MAML2: variants seen among roughly 807,000 people sequenced by gnomAD.
The protein encoded by MAML2 is mastermind-like protein 2.
MAML2 carries 22 observed loss-of-function variants against 96.1 expected under a neutral mutation model. The observed-to-expected ratio is 0.23, with a 90% CI of 0.16 to 0.33. The LOEUF (loss-of-function observed/expected upper bound fraction) is 0.33. MAML2 is among the 10% of genes least tolerant of loss of function. The probability of loss-of-function intolerance (pLI) is 1.00; values close to 1 mark genes in which losing one functional copy is unlikely to be tolerated. For missense variants in MAML2, 1,367 were observed against 1,392.4 expected (o/e 0.98, Z 0.29); for synonymous variants, 561 against 521.3 (o/e 1.08, Z -1.04).
chr11:96,112,998 T>A (rs913152174), intron 1 of MAML2, among the ~76,000 whole-genome samples: 3 of 151,926 alleles, frequency 2.0e-5, no homozygotes, highest in Non-Finnish European at 2.9e-5. Flanking sequence ...TCACAGAAAA[T>A]CAGTGAGCAA....
intron 1 of MAML2, among the ~76,000 whole-genome samples, chr11:96,315,441 TCTCCA>T (rs1422265646): frequency 6.6e-6 from 1 of 152,248 alleles, no homozygotes; most frequent in African/African-American, 2.4e-5. Flanking sequence ...TATATGCTTA[TCTCCA>T]CTTACCGTAT....
intron 1 of MAML2, among the ~76,000 whole-genome samples, chr11:96,315,758 T>C (rs925098568): frequency 6.6e-6 from 1 of 152,160 alleles, no homozygotes; most frequent in Non-Finnish European, 1.5e-5. Flanking sequence ...CCTCCTACCA[T>C]CCTCTCTGAG....
At chr11:96,091,816 A>G in intron 2 of MAML2, 76 bp downstream of exon 2, 1 of 1,524,384 alleles carries the variant, frequency 6.6e-7, no homozygotes, top group Non-Finnish European at 8.8e-7. Context: ...CAATACAAAC[A>G]TAATGGTAAC....
At chr11:96,233,625 T>C (rs1349012567) in intron 1 of MAML2, among the ~76,000 whole-genome samples, 3 of 152,138 alleles carry the variant, frequency 2.0e-5, no homozygotes, top group Admixed American at 1.3e-4. Context: ...CCCAGGCTGG[T>C]CTCAAACTCC....
intron 1 of MAML2, among the ~76,000 whole-genome samples, chr11:96,258,149 C>A (rs1862694550): frequency 6.6e-6 from 1 of 152,166 alleles, no homozygotes; most frequent in African/African-American, 2.4e-5. Flanking sequence ...GCTTTAACAA[C>A]AACCATGGAG....
At chr11:96,311,935 A>G (rs542278695) in intron 1 of MAML2, among the ~76,000 whole-genome samples, 10 of 152,262 alleles carry the variant, frequency 6.6e-5, no homozygotes, top group Admixed American at 2.0e-4. Flanking sequence ...ATAAAGATCT[A>G]TGTAGCTAGA....
At chr11:96,244,134 A>C (rs764525059) in intron 1 of MAML2, among the ~76,000 whole-genome samples, 1 of 152,216 alleles carries the variant, frequency 6.6e-6, no homozygotes, top group Non-Finnish European at 1.5e-5. Flanking sequence ...TGTGCGGCCT[A>C]ATGGCTCAAA....
chr11:96,259,280 ATG>A (rs1217840754), intron 1 of MAML2, among the ~76,000 whole-genome samples: 1 of 152,088 alleles, frequency 6.6e-6, no homozygotes, highest in African/African-American at 2.4e-5. Context: ...TCTGAAAAGC[ATG>A]TGTTGATAGA....
intron 2 of MAML2, among the ~76,000 whole-genome samples, chr11:96,020,121 G>C (rs934974583): frequency 3.9e-5 from 6 of 152,102 alleles, no homozygotes; most frequent in Non-Finnish European, 1.5e-5. Flanking sequence ...GATTTAGTAG[G>C]GGGAAAAGGA....
chr11:96,231,390 G>A (rs1443668171), intron 1 of MAML2, among the ~76,000 whole-genome samples: 1 of 152,110 alleles, frequency 6.6e-6, no homozygotes, highest in African/African-American at 2.4e-5. Flanking sequence ...CATAAATGTG[G>A]GATAAAATAA....
intron 4 of MAML2, among the ~76,000 whole-genome samples, chr11:95,983,541 C>A (rs180923100): frequency 1.3e-5 from 2 of 152,142 alleles, no homozygotes; most frequent in East Asian, 3.9e-4. Flanking sequence ...TTTTCAAATA[C>A]CAAGAAGAGG....
At chr11:96,103,310 C>A (rs1395046287) in intron 1 of MAML2, among the ~76,000 whole-genome samples, 1 of 152,138 alleles carries the variant, frequency 6.6e-6, no homozygotes, top group Non-Finnish European at 1.5e-5. Context: ...ACTTATCAGG[C>A]ACCTAGTGGC....
intron 1 of MAML2, among the ~76,000 whole-genome samples, chr11:96,168,574 T>C (rs563644475): frequency 2.6e-4 from 40 of 152,314 alleles, no homozygotes; most frequent in Admixed American, 1.2e-3. Context: ...AACCTGCATT[T>C]CTAATGAGCC....
intron 1 of MAML2, among the ~76,000 whole-genome samples, chr11:96,265,802 G>A (rs1591104180): frequency 1.3e-5 from 2 of 152,272 alleles, no homozygotes; most frequent in East Asian, 1.9e-4. Flanking sequence ...GCCCCCAAGC[G>A]GCCCAACTTA....
At chr11:96,248,263 C>T (rs1228312179) in intron 1 of MAML2, among the ~76,000 whole-genome samples, 1 of 151,762 alleles carries the variant, frequency 6.6e-6, no homozygotes, top group African/African-American at 2.4e-5. Flanking sequence ...CAGGCACCTG[C>T]CACCATGCCT....
intron 1 of MAML2, among the ~76,000 whole-genome samples, chr11:96,299,081 A>ATATAT (rs1487119307): frequency 3.7e-5 from 5 of 136,400 alleles, no homozygotes; most frequent in African/African-American, 5.5e-5. Context: ...ATATATATAT[A>ATATAT]AAATTTCACC....
chr11:96,202,658 G>A (rs980203159), intron 1 of MAML2, among the ~76,000 whole-genome samples: 11 of 149,022 alleles, frequency 7.4e-5, no homozygotes, highest in East Asian at 3.9e-4. Flanking sequence ...ACGGATTTTC[G>A]CTCTTGTCAC....
At chr11:96,270,549 T>C (rs1056571478) in intron 1 of MAML2, among the ~76,000 whole-genome samples, 1 of 152,172 alleles carries the variant, frequency 6.6e-6, no homozygotes, top group Non-Finnish European at 1.5e-5. Context: ...GACCTCGTGA[T>C]CCGCCTGTCT....
intron 1 of MAML2, among the ~76,000 whole-genome samples, chr11:96,301,180 T>C (rs1222514868): frequency 6.6e-6 from 1 of 152,188 alleles, no homozygotes; most frequent in Non-Finnish European, 1.5e-5. Flanking sequence ...ATTATACATA[T>C]ACACATACAC....
Sources: allele counts gnomAD v4.1 joint callset (sites outside exome capture counted in the v4.1 genomes callset), GRCh38; gene constraint gnomAD v4.1.1; transcripts MANE v1.5; gene names NCBI Gene and HGNC (gene_info 2026-07-23, HGNC 2026-07-21).